CSMD1: variants seen among roughly 807,000 people sequenced by gnomAD.
CSMD1 encodes CUB and Sushi multiple domains 1.
Under a neutral mutation model 417.5 loss-of-function variants are expected in CSMD1, and 213 were observed. The observed-to-expected ratio is 0.51, with a 90% CI of 0.46 to 0.57. The LOEUF (loss-of-function observed/expected upper bound fraction) is 0.57. CSMD1 is among the 20% of genes least tolerant of loss of function. CSMD1 has a pLI of 0.00. For missense variants in CSMD1, 6,923 were observed against 4,529.7 expected (o/e 1.53, Z -15.17); for synonymous variants, 2,862 against 1,736.8 (o/e 1.65, Z -16.11).
In CSMD1 at chr8:3,132,457, A is replaced by T. The variant is rs373490280; in HGVS notation, c.6241+10008T>A. On this transcript the variant is annotated intron_variant, in intron 41 of 69. Transcript: ENST00000635120. ...AATGTTTTATTCAAAAATGGAAATA[A>T]TTAAACACTGATCTATGAAAGTAAG... Among the ~76,000 whole-genome samples the T allele has an allele frequency of 2.7e-4, 41 of 152,268 alleles. 1 individual carries two copies. In the South Asian group the frequency reaches 7.9e-3, roughly 29 times the overall value.
intron 50 of CSMD1, among the ~76,000 whole-genome samples, chr8:3,049,331 CA>C (rs1477590437): frequency 6.6e-6 from 1 of 152,128 alleles, no homozygotes; most frequent in Non-Finnish European, 1.5e-5. Context: ...GGAAGCAACC[CA>C]GATGTTGTCT....
chr8:3,313,941 T>TGG (rs1805556104), intron 23 of CSMD1, among the ~76,000 whole-genome samples: 2 of 152,064 alleles, frequency 1.3e-5, no homozygotes, highest in African/African-American at 4.8e-5. Flanking sequence ...TATGCAGCCA[T>TGG]AAAAAATGAT....
chr8:3,381,262 A>AC (rs1316135375), intron 18 of CSMD1, among the ~76,000 whole-genome samples: 13 of 151,542 alleles, frequency 8.6e-5, no homozygotes, highest in African/African-American at 2.7e-4. Context: ...CAACAGATCT[A>AC]CCCACATGAA....
chr8:3,473,050 G>A (rs971350676), intron 11 of CSMD1, among the ~76,000 whole-genome samples: 5 of 151,814 alleles, frequency 3.3e-5, no homozygotes, highest in South Asian at 2.1e-4. Flanking sequence ...CTAGACATTC[G>A]ACTTGATTTT....
intron 6 of CSMD1, among the ~76,000 whole-genome samples, chr8:3,726,057 A>G (rs2623752): frequency 0.012 from 1,769 of 152,238 alleles, 26 homozygotes; most frequent in East Asian, 0.07. Flanking sequence ...CTCTCAGGAA[A>G]TCAACAGCCA....
intron 2 of CSMD1, among the ~76,000 whole-genome samples, chr8:4,494,923 A>G (rs909609447): frequency 1.3e-5 from 2 of 152,220 alleles, no homozygotes; most frequent in Admixed American, 1.3e-4. Context: ...AGAAGAAAAA[A>G]TACGCAGTGA....
At chr8:3,022,418 TC>T (rs1388404944) in intron 51 of CSMD1, among the ~76,000 whole-genome samples, 18 of 151,988 alleles carry the variant, frequency 1.2e-4, no homozygotes, top group African/African-American at 4.3e-4. Context: ...CAATCCCACA[TC>T]GACAGCGTGT....
chr8:3,998,227 G>A lies in CSMD1; in HGVS notation c.611-117C>T, dbSNP rs78106852. 3,766 of 799,008 alleles carry A rather than the reference G, an allele frequency of 4.7e-3. 102 individuals are homozygous for A. In the African/African-American group the frequency reaches 0.058, roughly 12 times the overall value. The allele number at this position is 799,008 out of a possible 1,614,324, so 49.5% of individuals were successfully genotyped here. ...AAATATTTTCTGAACCCAAAATTGA[G>A]ACACTCAATCTGAAAAAGAATCTTT... On this transcript the variant is annotated intron_variant, in intron 4 of 69. Coordinates refer to ENST00000635120, the MANE Select transcript of CSMD1 (RefSeq NM_033225.6).
At chr8:4,685,233 G>C (rs73174017) in intron 1 of CSMD1, among the ~76,000 whole-genome samples, 11,023 of 152,240 alleles carry the variant, frequency 0.072, 581 homozygotes, top group Non-Finnish European at 0.11. Flanking sequence ...CTGCATGGGA[G>C]AAAATAAACA....
chr8:4,423,346 C>G (rs1182296396), intron 2 of CSMD1, among the ~76,000 whole-genome samples: 1 of 152,036 alleles, frequency 6.6e-6, no homozygotes, highest in Admixed American at 6.6e-5. Flanking sequence ...AGAGCTAATA[C>G]TTGATATCAT....
chr8:4,315,720 T>C (rs761490441), intron 3 of CSMD1, among the ~76,000 whole-genome samples: 42 of 152,296 alleles, frequency 2.8e-4, no homozygotes, highest in Admixed American at 1.7e-3. Context: ...AGGTATAGAT[T>C]GAGCTGTGCA....
chr8:3,516,511 C>G (rs1420373796), intron 10 of CSMD1, among the ~76,000 whole-genome samples: 2 of 152,176 alleles, frequency 1.3e-5, no homozygotes, highest in African/African-American at 2.4e-5. Context: ...TGCTACTCCT[C>G]TCATTACACC....
intron 1 of CSMD1, among the ~76,000 whole-genome samples, chr8:4,890,940 G>T (rs1358252536): frequency 6.6e-6 from 1 of 152,106 alleles, no homozygotes; most frequent in African/African-American, 2.4e-5. Context: ...CAAAGGCAGA[G>T]AATCCAAGGG....
At chr8:4,277,413 A>T (rs1372394245) in intron 3 of CSMD1, among the ~76,000 whole-genome samples, 1 of 152,072 alleles carries the variant, frequency 6.6e-6, no homozygotes, top group Non-Finnish European at 1.5e-5. Flanking sequence ...CCATTTCCCC[A>T]TCAACTAATA....
At chr8:4,593,686 C>T (rs761258742) in intron 2 of CSMD1, among the ~76,000 whole-genome samples, 42 of 152,210 alleles carry the variant, frequency 2.8e-4, no homozygotes, top group Admixed American at 2.2e-3. Flanking sequence ...TTACTACTTC[C>T]ATGTAATAAG....
intron 10 of CSMD1, among the ~76,000 whole-genome samples, chr8:3,511,921 C>A (rs1467108948): frequency 2.1e-5 from 3 of 143,492 alleles, no homozygotes; most frequent in African/African-American, 7.8e-5. Context: ...AAAAAAAAAA[C>A]GGTTGTTATA....
chr8:4,038,469 G>C (rs1450943470), intron 3 of CSMD1, among the ~76,000 whole-genome samples: 1 of 152,080 alleles, frequency 6.6e-6, no homozygotes, highest in Non-Finnish European at 1.5e-5. Flanking sequence ...TAGTGTTCGA[G>C]AAAAACTAAT....
At chr8:4,014,724 A>C (rs916151965) in intron 4 of CSMD1, among the ~76,000 whole-genome samples, 7 of 152,192 alleles carry the variant, frequency 4.6e-5, no homozygotes. Context: ...CCTTGCTGGT[A>C]AACACTTCGC....
intron 11 of CSMD1, among the ~76,000 whole-genome samples, chr8:3,473,689 A>C (rs879921954): frequency 1.3e-5 from 2 of 152,182 alleles, no homozygotes; most frequent in Admixed American, 6.5e-5. Flanking sequence ...ATTTTGTTGA[A>C]TGTCATTTCA....
Sources: gnomAD v4.1 joint callset for allele counts (sites outside exome capture counted in the v4.1 genomes callset) on GRCh38, gnomAD v4.1.1 for gene constraint, MANE v1.5 for transcripts, NCBI Gene and HGNC (gene_info 2026-07-23, HGNC 2026-07-21) for gene names.